The following CSMD1 variants were observed in gnomAD, a reference collection of about 807,000 sequenced individuals.
The protein encoded by CSMD1 is CUB and Sushi multiple domains 1.
CSMD1 carries 213 observed loss-of-function variants against 417.5 expected under a neutral mutation model. The observed-to-expected ratio is 0.51, with a 90% CI of 0.46 to 0.57. The LOEUF is 0.57. CSMD1 is among the 20% of genes least tolerant of loss of function. The pLI, the probability that CSMD1 is intolerant of heterozygous loss-of-function variation, is 0.00. For missense variants in CSMD1, 6,923 were observed against 4,529.7 expected (o/e 1.53, Z -15.17); for synonymous variants, 2,862 against 1,736.8 (o/e 1.65, Z -16.11).
At chr8:4,098,288 A>T (rs1022165286) in intron 3 of CSMD1, among the ~76,000 whole-genome samples, 1 of 152,202 alleles carries the variant, frequency 6.6e-6, no homozygotes. Flanking sequence ...ACAAAAGGCA[A>T]GTAATTTGGA....
In CSMD1 at chr8:3,315,361, T is replaced by C. The variant is rs563455447; in HGVS notation, c.3632-6858A>G. 1.6e-4 allele frequency among the ~76,000 whole-genome samples: 25 copies of C among 151,778 alleles called. No individual in the cohort carries two copies. In the South Asian group the frequency reaches 3.3e-3, roughly 20 times the overall value. ...ATGAATTTCCTGAAATGTGTGATTA[T>C]TTCCTGAAATGTGTGATTGTTCCAT... On this transcript the variant is annotated intron_variant, in intron 23 of 69. Coordinates refer to ENST00000635120, the MANE Select transcript of CSMD1 (RefSeq NM_033225.6).
At chr8:4,937,684 G>C (rs1026659662) in intron 1 of CSMD1, among the ~76,000 whole-genome samples, 2 of 152,062 alleles carry the variant, frequency 1.3e-5, no homozygotes, top group African/African-American at 4.8e-5. Context: ...ATAGAGCAGT[G>C]GTTTCTTTAG....
chr8:3,361,023 G>A (rs374435501), intron 20 of CSMD1, among the ~76,000 whole-genome samples: 7 of 151,946 alleles, frequency 4.6e-5, no homozygotes, highest in Non-Finnish European at 7.4e-5. Flanking sequence ...TTATCTTTGC[G>A]TTTAGATAAG....
At chr8:4,514,409 C>G (rs1803002303) in intron 2 of CSMD1, among the ~76,000 whole-genome samples, 1 of 152,100 alleles carries the variant, frequency 6.6e-6, no homozygotes, top group Admixed American at 6.5e-5. Flanking sequence ...CAATACCATT[C>G]TAGAAGGCAG....
At chr8:4,150,923 G>A (rs571900461) in intron 3 of CSMD1, among the ~76,000 whole-genome samples, 1 of 151,790 alleles carries the variant, frequency 6.6e-6, no homozygotes, top group Non-Finnish European at 1.5e-5. Context: ...CCTCTCCTGT[G>A]CTTTAATTAC....
At chr8:4,175,730 C>T (rs1174760154) in intron 3 of CSMD1, among the ~76,000 whole-genome samples, 1 of 151,802 alleles carries the variant, frequency 6.6e-6, no homozygotes, top group Non-Finnish European at 1.5e-5. Context: ...GAGAATGTTG[C>T]CTAGAAAAAT....
chr8:3,777,969 C>T (rs1272821233), intron 5 of CSMD1, among the ~76,000 whole-genome samples: 1 of 152,142 alleles, frequency 6.6e-6, no homozygotes, highest in Non-Finnish European at 1.5e-5. Context: ...CTGCAGCCTC[C>T]TTGAAGTGCA....
In CSMD1 at chr8:3,107,790, G is replaced by C; in HGVS notation, c.6763C>G (p.Leu2255Val). The change falls in exon 45 of 70, where the codon CTC (leucine) becomes GTC (valine). Residue 2255 changes from leucine (L) to valine (V), a missense_variant. Coordinates refer to ENST00000635120, the MANE Select transcript of CSMD1 (RefSeq NM_033225.6). Reference sequence around the variant, plus strand: ...GCTGGGGGAGGTTGACATTTCTTGAGCTGAAATGCTAAATGATTAATGGAA... The same window carrying C: ...GCTGGGGGAGGTTGACATTTCTTGACCTGAAATGCTAAATGATTAATGGAA... The part of the protein sequence containing the change: ...FFVLNFHAFQ[L>V]KKCQPPPAVP... The C allele has an allele frequency of 6.4e-7, 1 of 1,574,642 alleles. No individual in the cohort carries two copies. The highest frequency in any genetic ancestry group is 2.3e-5 in the East Asian group (1 of 43,346).
At chr8:4,237,592 T>C (rs544207091) in intron 3 of CSMD1, among the ~76,000 whole-genome samples, 5 of 152,016 alleles carry the variant, frequency 3.3e-5, no homozygotes, top group South Asian at 2.1e-4. Context: ...TGGAGCACAA[T>C]AGTGTCATCA....
chr8:4,053,046 G>A (rs190368356), intron 3 of CSMD1, among the ~76,000 whole-genome samples: 4 of 152,162 alleles, frequency 2.6e-5, no homozygotes, highest in Admixed American at 6.5e-5. Flanking sequence ...CCTCTAACCA[G>A]AGGAGTCCTT....
chr8:4,061,623 C>G (rs1472575581), intron 3 of CSMD1, among the ~76,000 whole-genome samples: 2 of 152,182 alleles, frequency 1.3e-5, no homozygotes, highest in African/African-American at 2.4e-5. Context: ...GTTTACCAGA[C>G]AGATTCTGCA....
At chr8:4,600,502 A>G (rs958292838) in intron 2 of CSMD1, among the ~76,000 whole-genome samples, 4 of 152,222 alleles carry the variant, frequency 2.6e-5, no homozygotes, top group Admixed American at 6.5e-5. Context: ...CTAAATAAAT[A>G]TATACATCTG....
chr8:4,453,801 G>C (rs901345203), intron 2 of CSMD1, among the ~76,000 whole-genome samples: 1 of 139,126 alleles, frequency 7.2e-6, no homozygotes, highest in African/African-American at 2.7e-5. Context: ...GAACAAGATT[G>C]CGCAATTCGT....
At chr8:4,629,921 A>C (rs1456683148) in intron 2 of CSMD1, among the ~76,000 whole-genome samples, 1 of 152,166 alleles carries the variant, frequency 6.6e-6, no homozygotes, top group Non-Finnish European at 1.5e-5. Context: ...TCTAAGAGGA[A>C]TATCCCAGGA....
chr8:4,074,353 G>C (rs141150450), intron 3 of CSMD1, among the ~76,000 whole-genome samples: 20 of 152,142 alleles, frequency 1.3e-4, no homozygotes, highest in Non-Finnish European at 2.6e-4. Flanking sequence ...GTAAAATGTA[G>C]TATTTAGTCC....
At chr8:4,313,381 C>G (rs550391120) in intron 3 of CSMD1, among the ~76,000 whole-genome samples, 12 of 151,946 alleles carry the variant, frequency 7.9e-5, no homozygotes, top group Non-Finnish European at 2.9e-5. Flanking sequence ...GTGACACACA[C>G]TCTGCTTTTG....
chr8:4,333,659 C>G lies in CSMD1; in HGVS notation c.415+86294G>C, dbSNP rs56275134. On this transcript the variant is annotated intron_variant, in intron 3 of 69. Coordinates refer to ENST00000635120, the MANE Select transcript of CSMD1 (RefSeq NM_033225.6). ...AAATCTAGACACACTGAGAACACAT[C>G]ATTTTATAAGTGCTTTTCTACGATA... Among the ~76,000 whole-genome samples, 63 of 152,198 alleles carry G rather than the reference C, an allele frequency of 4.1e-4. 1 individual carries two copies. Among genetic ancestry groups the G allele is most frequent in the African/African-American group, 1.4e-3 (59 of 41,540 alleles).
In CSMD1 at chr8:4,313,620, C is replaced by A. The variant is rs549125910; in HGVS notation, c.415+106333G>T. Among the ~76,000 whole-genome samples, 46 of 151,920 alleles carry A rather than the reference C, an allele frequency of 3.0e-4. No individual in the cohort carries two copies. The South Asian group carries it at 8.9e-3, about 30-fold the overall frequency. On this transcript the variant is annotated intron_variant, in intron 3 of 69. Coordinates refer to ENST00000635120, the MANE Select transcript of CSMD1 (RefSeq NM_033225.6). Reference sequence around the variant, plus strand: ...ATGTGGACTGTCTGTTTTAAACATGCAGATGCCATTTAAACATCAACACAT... The same window carrying A: ...ATGTGGACTGTCTGTTTTAAACATGAAGATGCCATTTAAACATCAACACAT...
chr8:4,460,240 C>A (rs576690890), intron 2 of CSMD1, among the ~76,000 whole-genome samples: 1 of 151,212 alleles, frequency 6.6e-6, no homozygotes, highest in African/African-American at 2.4e-5. Flanking sequence ...TTCTAAAAAC[C>A]CAAAGGAGTT....
Sources: gnomAD v4.1 joint callset for allele counts (sites outside exome capture counted in the v4.1 genomes callset) on GRCh38, gnomAD v4.1.1 for gene constraint, MANE v1.5 for transcripts, NCBI Gene and HGNC (gene_info 2026-07-23, HGNC 2026-07-21) for gene names.